PRKCZ: variants seen among roughly 807,000 people sequenced by gnomAD.
PRKCZ encodes the protein protein kinase C zeta type.
Under a neutral mutation model 79.5 loss-of-function variants are expected in PRKCZ, and 33 were observed. The ratio of observed to expected loss-of-function variants is 0.41; its 90% confidence interval spans 0.31 to 0.55. PRKCZ has a LOEUF of 0.55. PRKCZ is among the 20% of genes least tolerant of loss of function. The probability of loss-of-function intolerance (pLI) is 0.19; values close to 1 mark genes in which losing one functional copy is unlikely to be tolerated. For missense variants in PRKCZ, 578 were observed against 813.5 expected (o/e 0.71, Z 3.52); for synonymous variants, 342 against 320.9 (o/e 1.07, Z -0.70).
At chr1:2,119,784 C>A (rs1405479449) in intron 4 of PRKCZ, among the ~76,000 whole-genome samples, 1 of 119,352 alleles carries the variant, frequency 8.4e-6, no homozygotes, top group Non-Finnish European at 1.6e-5. Context: ...TATTTCTTTT[C>A]TTTTCTTTTT....
At chr1:2,090,437 C>T (rs898259880) in intron 4 of PRKCZ, among the ~76,000 whole-genome samples, 5 of 152,204 alleles carry the variant, frequency 3.3e-5, no homozygotes, top group South Asian at 4.1e-4. Context: ...AGGGCCCGTG[C>T]CCTGTGTCCC....
At chr1:2,058,552 T>C (rs1660395399) in intron 3 of PRKCZ, among the ~76,000 whole-genome samples, 1 of 152,098 alleles carries the variant, frequency 6.6e-6, no homozygotes, top group Non-Finnish European at 1.5e-5. Flanking sequence ...ATTTTGCCTC[T>C]CTATGTGGAA....
intron 9 of PRKCZ, among the ~76,000 whole-genome samples, chr1:2,154,944 G>T (rs563430309): frequency 6.6e-6 from 1 of 152,202 alleles, no homozygotes; most frequent in East Asian, 1.9e-4. Context: ...TGGGGAATCT[G>T]CTTAGCCCTC....
At position 2,150,823 on chromosome 1, in the gene PRKCZ, A is replaced by C; in HGVS notation, c.721A>C (p.Ile241Leu). 1 of 1,614,150 alleles carries C rather than the reference A, an allele frequency of 6.2e-7. No individual in the cohort carries two copies. Among genetic ancestry groups the C allele is most frequent in the South Asian group, 1.1e-5 (1 of 91,084 alleles). The change falls in exon 9 of 18, where the codon ATC becomes CTC. Residue 241 changes from isoleucine to leucine, a missense_variant. By Grantham distance (5) the Ile-to-Leu change is conservative. This residue lies in a region of PRKCZ where 91 missense variants were observed against 97.5 expected (regional missense o/e 0.93). Transcript: ENST00000378567. ...LKPVIDGMDG[I>L]KISQGLGLQD... ...GCCAGTTATCGATGGGATGGATGGAATCAAAATCTCTCAGGGGCTTGGGCT... is the reference window on the plus strand; with the variant it reads ...GCCAGTTATCGATGGGATGGATGGACTCAAAATCTCTCAGGGGCTTGGGCT...
In PRKCZ at chr1:2,173,858, T is replaced by C; in HGVS notation, c.1286-39T>C. 1.3e-6 allele frequency: 2 copies of C among 1,547,514 alleles called. No homozygotes were observed. Among genetic ancestry groups the C allele is most frequent in the African/African-American group, 1.4e-5 (1 of 72,432 alleles). ...CCAGGTTCGTCCTGCTGCCGGCCCA[T>C]GTGGCCCCACTCGGTGATGGCTGTG... On this transcript the variant is annotated intron_variant, in intron 13 of 17. Coordinates refer to ENST00000378567, the MANE Select transcript of PRKCZ (RefSeq NM_002744.6). The surrounding 1 kb of genome is among the most constrained non-coding windows in gnomAD (Gnocchi z 5.7).
At chr1:2,077,938 A>G (rs1483439772) in intron 4 of PRKCZ, among the ~76,000 whole-genome samples, 1 of 152,244 alleles carries the variant, frequency 6.6e-6, no homozygotes, top group Non-Finnish European at 1.5e-5. Flanking sequence ...ATGAGCTACC[A>G]TGATTGCATT....
Position 2,149,139 on chromosome 1 carries a change from C to T in PRKCZ, c.687+215C>T, listed in dbSNP as rs986555185. ...ATGAATACCTGCAGGCAGCTGTCCC[C>T]GCAGGTGGTCTGGGGACCACACCCT... On this transcript the variant is annotated intron_variant, in intron 8 of 17. Coordinates refer to ENST00000378567, the MANE Select transcript of PRKCZ (RefSeq NM_002744.6). The surrounding 1 kb of genome is among the most constrained non-coding windows in gnomAD (Gnocchi z 4.1). Among the ~76,000 whole-genome samples, 1 of 152,194 alleles carries T rather than the reference C, an allele frequency of 6.6e-6. No individual in the cohort carries two copies. The highest frequency in any genetic ancestry group is 1.5e-5 in the Non-Finnish European group (1 of 68,024).
chr1:2,140,225 C>A (rs565197215), intron 5 of PRKCZ, among the ~76,000 whole-genome samples: 36 of 152,308 alleles, frequency 2.4e-4, no homozygotes, highest in African/African-American at 7.7e-4. Flanking sequence ...TCTGAGCTCG[C>A]AATGGAAAAC....
intron 4 of PRKCZ, among the ~76,000 whole-genome samples, chr1:2,122,951 T>C (rs796937157): frequency 4.2e-5 from 1 of 23,658 alleles, no homozygotes; most frequent in African/African-American, 2.0e-4. Flanking sequence ...AGGGTCACGG[T>C]GGTAGTTAGG....
At chr1:2,057,794 TC>T (rs1660315268) in intron 3 of PRKCZ, among the ~76,000 whole-genome samples, 1 of 151,980 alleles carries the variant, frequency 6.6e-6, no homozygotes. Flanking sequence ...AACCTCCACC[TC>T]CCAGATATAA....
intron 1 of PRKCZ, among the ~76,000 whole-genome samples, chr1:2,055,120 T>G (rs1660039698): frequency 6.6e-6 from 1 of 152,040 alleles, no homozygotes. Context: ...TTTTTTGTAT[T>G]TTTAGTAGAG....
Position 2,098,094 on chromosome 1 carries a change from A to AG in PRKCZ, c.335-37168_335-37167insG, listed in dbSNP as rs368828322. The stretch of plus-strand genomic sequence containing the variant: ...ACTAAGAACAGAGCAGGTGACAAGG[A>AG]TGACTAAGGTCAGAGCAGGTGACCA... On this transcript the variant is annotated intron_variant, in intron 4 of 17. Transcript: ENST00000378567. Among the ~76,000 whole-genome samples, 5 of 28,756 alleles carry AG rather than the reference A, an allele frequency of 1.7e-4. No individual in the cohort carries two copies. In the South Asian group the frequency reaches 3.5e-3, roughly 20 times the overall value. The allele number at this position is 28,756 out of a possible 152,430, so 18.9% of individuals were successfully genotyped here.
At chr1:2,112,537 G>A (rs930845614) in intron 4 of PRKCZ, among the ~76,000 whole-genome samples, 2 of 152,154 alleles carry the variant, frequency 1.3e-5, no homozygotes, top group African/African-American at 2.4e-5. Flanking sequence ...TGCAGCCGCC[G>A]CTTGGAGCGG....
chr1:2,149,841 A>G lies in PRKCZ; in HGVS notation c.687+917A>G, dbSNP rs968428889. Among the ~76,000 whole-genome samples, 1 of 151,850 alleles carries G rather than the reference A, an allele frequency of 6.6e-6. No individual in the cohort carries two copies. The highest frequency in any genetic ancestry group is 1.9e-4 in the East Asian group (1 of 5,174). On this transcript the variant is annotated intron_variant, in intron 8 of 17. Transcript: ENST00000378567. The surrounding 1 kb of genome is among the most constrained non-coding windows in gnomAD (Gnocchi z 4.1). ...GCACCACTGCACTCCAGCCTGGGCGACAGAGGAAGAGTCTGTCTCAAAAAA... is the reference window on the plus strand; with the variant it reads ...GCACCACTGCACTCCAGCCTGGGCGGCAGAGGAAGAGTCTGTCTCAAAAAA...
At chr1:2,105,402 C>CTTAT (rs1012336354) in intron 4 of PRKCZ, among the ~76,000 whole-genome samples, 1 of 152,132 alleles carries the variant, frequency 6.6e-6, no homozygotes, top group South Asian at 2.1e-4. Context: ...CACGTTAGGC[C>CTTAT]TTATTTATTT....
In PRKCZ at chr1:2,082,845, G is replaced by A. The variant is rs539777258; in HGVS notation, c.334+23254G>A. On this transcript the variant is annotated intron_variant, in intron 4 of 17. Transcript: ENST00000378567. This position sits in a 1 kb window ranked among gnomAD's most constrained non-coding sequence, Gnocchi z 4.4. Reference sequence around the variant, plus strand: ...GGAGAGGGTGGAGGGGCGGCCAAGGGCGTGAGGGAGAGGGTGGAGGGGTGG... The same window carrying A: ...GGAGAGGGTGGAGGGGCGGCCAAGGACGTGAGGGAGAGGGTGGAGGGGTGG... Among the ~76,000 whole-genome samples the A allele has an allele frequency of 2.2e-4, 33 of 151,948 alleles. No individual in the cohort carries two copies. The highest frequency in any genetic ancestry group is 4.2e-4 in the South Asian group (2 of 4,806).
chr1:2,056,203 G>A (rs1660142748), intron 2 of PRKCZ, among the ~76,000 whole-genome samples: 1 of 152,230 alleles, frequency 6.6e-6, no homozygotes, highest in African/African-American at 2.4e-5. Context: ...TCCGGAGAGT[G>A]TCCTCAGCCC....
At chr1:2,131,932 C>T (rs1675046069) in intron 4 of PRKCZ, among the ~76,000 whole-genome samples, 1 of 152,234 alleles carries the variant, frequency 6.6e-6, no homozygotes, top group Non-Finnish European at 1.5e-5. Flanking sequence ...CTGCCTCAGC[C>T]TCCCAAGTAG....
In PRKCZ at chr1:2,082,199, G is replaced by A. The variant is rs1050906628; in HGVS notation, c.334+22608G>A. 17 of 353,196 alleles carry A rather than the reference G, an allele frequency of 4.8e-5. No individual in the cohort carries two copies. The highest frequency in any genetic ancestry group is 8.6e-5 in the African/African-American group (4 of 46,628). 21.9% of individuals were successfully genotyped at this position (353,196 alleles called of 1,614,324 possible). On this transcript the variant is annotated intron_variant, in intron 4 of 17. Transcript: ENST00000378567. This position sits in a 1 kb window ranked among gnomAD's most constrained non-coding sequence, Gnocchi z 4.4. Reference sequence around the variant, plus strand: ...TTTGCAGCCCTTGGCAGCGTCGCCCGCTCTGTCCCGCCTGTTGTGTGCGCC... The same window carrying A: ...TTTGCAGCCCTTGGCAGCGTCGCCCACTCTGTCCCGCCTGTTGTGTGCGCC...
Sources: allele counts gnomAD v4.1 joint callset (sites outside exome capture counted in the v4.1 genomes callset), GRCh38; gene constraint gnomAD v4.1.1; regional missense constraint gnomAD v4.1.1; non-coding constraint Gnocchi (gnomAD v3.1); transcripts MANE v1.5; gene names NCBI Gene and HGNC (gene_info 2026-07-23, HGNC 2026-07-21).